Variants in TRIM14 observed in about 807,000 individuals in gnomAD.
The protein encoded by TRIM14 is tripartite motif containing 14.
In TRIM14, 28 loss-of-function variants were observed where a neutral mutation model predicts 44.5. That is an observed-to-expected ratio of 0.63 (90% CI 0.47 to 0.86). The LOEUF (loss-of-function observed/expected upper bound fraction) is 0.86. Ranked by LOEUF, TRIM14 falls within the 40% of genes least tolerant of loss-of-function variation. The pLI, the probability that TRIM14 is intolerant of heterozygous loss-of-function variation, is 0.00. For synonymous variants in TRIM14, 299 were observed against 269.2 expected (o/e 1.11, Z -1.08); for missense variants, 607 against 611.1 (o/e 0.99, Z 0.07).
At chr9:98,089,481 C>G (rs893169936) in intron 5 of TRIM14, among the ~76,000 whole-genome samples, 6 of 152,152 alleles carry the variant, frequency 3.9e-5, no homozygotes, top group African/African-American at 1.4e-4. Context: ...CCTGCCTCTA[C>G]TTAGCTCTTT....
chr9:98,061,850 G>A, the TRIM14 span, among the ~76,000 whole-genome samples: 7 of 151,810 alleles, frequency 4.6e-5, no homozygotes, highest in Non-Finnish European at 8.8e-5. Flanking sequence ...GTAGGGGTCA[G>A]CCACACTGGA....
downstream of TRIM14, chr9:98,081,587 C>T (rs1271504921): frequency 6.5e-6 from 1 of 154,828 alleles, no homozygotes; most frequent in Non-Finnish European, 1.4e-5. Flanking sequence ...CCTTGTGCAA[C>T]AGTGACCTTC....
the TRIM14 span, among the ~76,000 whole-genome samples, chr9:98,049,340 T>TAAAAAA: frequency 1.5e-5 from 1 of 67,026 alleles, no homozygotes. Context: ...AGACTCTGCA[T>TAAAAAA]AAAAAAAAAA....
chr9:98,100,761 G>C (rs972964294), intron 2 of TRIM14, among the ~76,000 whole-genome samples: 1 of 152,102 alleles, frequency 6.6e-6, no homozygotes, highest in Non-Finnish European at 1.5e-5. Context: ...GTATGTATGT[G>C]TATGTGTGGT....
chr9:98,040,278 G>C, the TRIM14 span, among the ~76,000 whole-genome samples: 4 of 152,138 alleles, frequency 2.6e-5, no homozygotes, highest in Non-Finnish European at 5.9e-5. Flanking sequence ...TCAAGAAAGG[G>C]CTATTTTCAC....
chr9:98,036,660 G>A, the TRIM14 span, among the ~76,000 whole-genome samples: 1 of 152,060 alleles, frequency 6.6e-6, no homozygotes, highest in Admixed American at 6.6e-5. Flanking sequence ...TATTAGCCAG[G>A]GGGATTGGGG....
At chr9:98,056,667 A>C in the TRIM14 span, 1 of 1,287,732 alleles carries the variant, frequency 7.8e-7, no homozygotes, top group Non-Finnish European at 1.0e-6. Flanking sequence ...GGCCTAGGGG[A>C]TTGGCTGCCC....
At chr9:98,061,690 G>T in the TRIM14 span, among the ~76,000 whole-genome samples, 31 of 150,660 alleles carry the variant, frequency 2.1e-4, no homozygotes, top group African/African-American at 7.3e-4. Context: ...TGAGGCAGGA[G>T]AATCGCTTGA....
Position 98,100,065 on chromosome 9 carries a change from T to TA in TRIM14, c.402dup (p.Lys135Ter). ...ACCTGGAGGGTAAGCTGCGTGTTTT[T>TA]ATCAATGAATTTCTTGGCCAGCGCT... On this transcript the variant is annotated frameshift_variant, in exon 3 of 6. Transcript: ENST00000341469. LOFTEE classifies it high-confidence loss of function. The TA allele has an allele frequency of 1.9e-6, 3 of 1,614,234 alleles. No homozygotes were observed. The highest frequency in any genetic ancestry group is 2.5e-6 in the Non-Finnish European group (3 of 1,180,044).
the TRIM14 span, chr9:98,056,908 G>C: frequency 2.5e-6 from 4 of 1,610,116 alleles, no homozygotes; most frequent in African/African-American, 5.4e-5. Context: ...GGGCGACCTG[G>C]ACGTAGCCAA....
intron 5 of TRIM14, 79 bp from the exon 6 acceptor site, chr9:98,088,084 C>T (rs1251399454): frequency 1.3e-5 from 18 of 1,358,948 alleles, no homozygotes; most frequent in Non-Finnish European, 1.7e-5. Context: ...CACCAACGCA[C>T]GTGCAAATCA....
chr9:98,108,641 T>A (rs1826715910), intron 2 of TRIM14, among the ~76,000 whole-genome samples: 1 of 151,940 alleles, frequency 6.6e-6, no homozygotes, highest in African/African-American at 2.4e-5. Context: ...GTCTATCTCC[T>A]AGCCCAGAGT....
In TRIM14 at chr9:98,095,720, C is replaced by T. The variant is rs1367611667; in HGVS notation, c.538-691G>A. On this transcript the variant is annotated intron_variant, in intron 3 of 5. Transcript: ENST00000341469. The surrounding 1 kb of genome is among the most constrained non-coding windows in gnomAD (Gnocchi z 4.1). ...GTGACCAGACGCCTCCAAGCCAAAG[C>T]GTGGATTTGGAAATGACGGTGAAGG... Among the ~76,000 whole-genome samples the T allele has an allele frequency of 6.6e-6, 1 of 152,140 alleles. No homozygotes were observed. Among genetic ancestry groups the T allele is most frequent in the African/African-American group, 2.4e-5 (1 of 41,452 alleles).
chr9:98,043,332 C>T, the TRIM14 span, among the ~76,000 whole-genome samples: 1 of 152,280 alleles, frequency 6.6e-6, no homozygotes, highest in East Asian at 1.9e-4. Flanking sequence ...CATGTGCCAC[C>T]ATGCCCAGCT....
the TRIM14 span, among the ~76,000 whole-genome samples, chr9:98,063,205 G>A: frequency 3.3e-5 from 5 of 151,372 alleles, no homozygotes; most frequent in Non-Finnish European, 7.4e-5. Context: ...TGGGGATTAC[G>A]GGTGTGAGCC....
rs994124506 is a variant in TRIM14 at position 98,119,036 on chromosome 9, G to T, written c.153C>A (p.Gly51=). The T allele has an allele frequency of 1.3e-6, 2 of 1,575,286 alleles. No individual in the cohort carries two copies. The highest frequency in any genetic ancestry group is 2.3e-5 in the South Asian group (2 of 88,608). The change falls in exon 1 of 6, where the codon GGC becomes GGA. Residue 51 remains glycine (G), a synonymous_variant. Transcript: ENST00000341469. ...RCVCALCPVL[G]AHRGHPVGLA... ...GGCCCACAGGGTGGCCACGGTGCGC[G>T]CCCAGCACCGGGCAAAGCGCGCACA...
rs761677191 is a variant in TRIM14, at chr9:98,094,858, G to T, written c.700+9C>A. Reference sequence around the variant, plus strand: ...TTAAGGACACAAAGTTGGTCACTCGGCGACTTACTTTCCTTAAGGCGAATG... The same window carrying T: ...TTAAGGACACAAAGTTGGTCACTCGTCGACTTACTTTCCTTAAGGCGAATG... On this transcript the variant is annotated intron_variant, in intron 4 of 5. Transcript: ENST00000341469. 1.5e-5 allele frequency: 24 copies of T among 1,612,556 alleles called. No homozygotes were observed. The highest frequency in any genetic ancestry group is 1.9e-5 in the Non-Finnish European group (22 of 1,179,070).
At chr9:98,051,020 T>C in the TRIM14 span, among the ~76,000 whole-genome samples, 1 of 152,136 alleles carries the variant, frequency 6.6e-6, no homozygotes, top group African/African-American at 2.4e-5. Flanking sequence ...GTGATCCACC[T>C]GCCTTGGCCT....
downstream of TRIM14, among the ~76,000 whole-genome samples, chr9:98,083,808 A>C (rs1829996137): frequency 1.3e-5 from 2 of 152,230 alleles, no homozygotes; most frequent in African/African-American, 4.8e-5. Flanking sequence ...GTGAGCCTGT[A>C]ATCCCAACTA....
Sources: gnomAD v4.1 joint callset for allele counts (sites outside exome capture counted in the v4.1 genomes callset) on GRCh38, gnomAD v4.1.1 for gene constraint, Gnocchi (gnomAD v3.1) non-coding constraint, MANE v1.5 for transcripts, NCBI Gene and HGNC (gene_info 2026-07-23, HGNC 2026-07-21) for gene names.